SDK1: variants seen among roughly 807,000 people sequenced by gnomAD.
The protein encoded by SDK1 is sidekick cell adhesion molecule 1, also known as protein sidekick-1.
A neutral mutation model predicts 245.5 loss-of-function variants in SDK1; 157 were observed. The ratio of observed to expected loss-of-function variants is 0.64; its 90% CI spans 0.56 to 0.73. The LOEUF (loss-of-function observed/expected upper bound fraction) is 0.73, where lower values mean the gene tolerates loss of function less well. Among genes scored for constraint, SDK1 ranks in the 30% least tolerant of loss-of-function variants. The pLI is 0.00. For missense variants in SDK1, 3,583 were observed against 3,002.3 expected (o/e 1.19, Z -4.52); for synonymous variants, 1,647 against 1,278.5 (o/e 1.29, Z -6.15).
At position 4,267,397 on chromosome 7, in the gene SDK1, C is replaced by T; in HGVS notation, c.*2013C>T. 1.0e-6 allele frequency: 1 copy of T among 984,662 alleles called. No individual in the cohort carries two copies. Among genetic ancestry groups the T allele is most frequent in the Non-Finnish European group, 1.2e-6 (1 of 829,810 alleles). The allele number at this position is 984,662 out of a possible 1,614,324, so 61.0% of individuals were successfully genotyped here. A position where few individuals can be genotyped will look rare whatever the true frequency, so the allele number is the denominator to read the frequency against. ...GGGGGAAATATTCTAAACCAAAAAT[C>T]CTAGATGCTCTGCCCAAAGCCACTT... On this transcript the variant is annotated 3_prime_UTR_variant, in exon 45 of 45. Coordinates refer to ENST00000404826, the MANE Select transcript of SDK1 (RefSeq NM_152744.4).
At chr7:4,101,336 CG>C (rs1782526211) in intron 22 of SDK1, among the ~76,000 whole-genome samples, 1 of 152,052 alleles carries the variant, frequency 6.6e-6, no homozygotes, top group African/African-American at 2.4e-5. Flanking sequence ...TTAGTAGAGA[CG>C]GGAGTTTCAC....
chr7:3,575,578 T>A, intron 1 of SDK1, among the ~76,000 whole-genome samples: 1 of 152,072 alleles, frequency 6.6e-6, no homozygotes, highest in East Asian at 1.9e-4. Context: ...TGCTGGGTTT[T>A]GATTTTTCAG....
chr7:3,515,467 T>A (rs1192784797), intron 1 of SDK1, among the ~76,000 whole-genome samples: 1 of 152,188 alleles, frequency 6.6e-6, no homozygotes, highest in Non-Finnish European at 1.5e-5. Context: ...TCATAATTTC[T>A]AACTCTGTAA....
chr7:3,773,872 A>T lies in SDK1; in HGVS notation c.714-47578A>T, dbSNP rs111369905. 6.5e-4 allele frequency among the ~76,000 whole-genome samples: 99 copies of T among 152,308 alleles called. 1 individual carries two copies. Among genetic ancestry groups the T allele is most frequent in the African/African-American group, 2.3e-3 (95 of 41,572 alleles). On this transcript the variant is annotated intron_variant, in intron 4 of 44. Coordinates refer to ENST00000404826, the MANE Select transcript of SDK1 (RefSeq NM_152744.4). ...TTGCTTTTGAATATCCTAATCTTCA[A>T]TGTCTGCTTCCTAAAAGAAGAGAAA...
At chr7:3,854,776 A>G (rs971920316) in intron 5 of SDK1, among the ~76,000 whole-genome samples, 3 of 152,216 alleles carry the variant, frequency 2.0e-5, no homozygotes, top group African/African-American at 7.2e-5. Context: ...CTCACTCCAA[A>G]TAATAGAAAC....
At chr7:4,129,405 G>T (rs150520952) in intron 26 of SDK1, among the ~76,000 whole-genome samples, 4 of 102,746 alleles carry the variant, frequency 3.9e-5, no homozygotes, top group African/African-American at 1.2e-4. Flanking sequence ...GGGTGCCCTG[G>T]AGGACAGCAG....
At chr7:4,209,762 C>G (rs1223038344) in intron 37 of SDK1, among the ~76,000 whole-genome samples, 3 of 152,138 alleles carry the variant, frequency 2.0e-5, no homozygotes, top group South Asian at 2.1e-4. Flanking sequence ...CATTTTTATG[C>G]CTTTGCCGTT....
intron 28 of SDK1, among the ~76,000 whole-genome samples, chr7:4,135,319 C>T (rs986010273): frequency 6.6e-6 from 1 of 152,174 alleles, no homozygotes; most frequent in Non-Finnish European, 1.5e-5. Context: ...GGAGTTTGTG[C>T]GTCCACTTTG....
At chr7:3,517,555 C>G (rs563983227) in intron 1 of SDK1, among the ~76,000 whole-genome samples, 1 of 152,152 alleles carries the variant, frequency 6.6e-6, no homozygotes, top group Admixed American at 6.6e-5. Flanking sequence ...TAGCCCACAA[C>G]GACTTAGGGA....
chr7:3,479,305 C>A (rs1021928334), intron 1 of SDK1, among the ~76,000 whole-genome samples: 20 of 151,450 alleles, frequency 1.3e-4, no homozygotes, highest in African/African-American at 4.8e-4. Flanking sequence ...GCCTGTAGTC[C>A]CAGCTACTTG....
At chr7:4,065,705 T>TG (rs1779848614) in intron 19 of SDK1, among the ~76,000 whole-genome samples, 3 of 81,468 alleles carry the variant, frequency 3.7e-5, no homozygotes, top group Admixed American at 1.0e-4. Context: ...TTTTTTTTTT[T>TG]TTTTTTTTTT....
At chr7:3,829,503 G>C (rs907545295) in intron 5 of SDK1, among the ~76,000 whole-genome samples, 1 of 152,144 alleles carries the variant, frequency 6.6e-6, no homozygotes, top group African/African-American at 2.4e-5. Context: ...TTAAATTATT[G>C]ACCCAGATCA....
intron 4 of SDK1, among the ~76,000 whole-genome samples, chr7:3,745,959 C>G (rs1304428311): frequency 6.6e-6 from 1 of 152,192 alleles, no homozygotes; most frequent in Non-Finnish European, 1.5e-5. Flanking sequence ...CACAGACTAG[C>G]TGTCAGTCCT....
intron 1 of SDK1, among the ~76,000 whole-genome samples, chr7:3,537,002 A>T (rs993701969): frequency 1.3e-5 from 2 of 152,192 alleles, no homozygotes; most frequent in Non-Finnish European, 2.9e-5. Context: ...ATTGAAGTAT[A>T]ATTTACACAT....
At chr7:3,819,548 C>T (rs948068308) in intron 4 of SDK1, among the ~76,000 whole-genome samples, 18 of 152,030 alleles carry the variant, frequency 1.2e-4, no homozygotes, top group Admixed American at 9.8e-4. Context: ...AGTAAATATT[C>T]ATATTTAATT....
intron 4 of SDK1, among the ~76,000 whole-genome samples, chr7:3,709,955 A>T (rs998640008): frequency 6.6e-6 from 1 of 152,216 alleles, no homozygotes; most frequent in Admixed American, 6.5e-5. Context: ...CCCGAGACTT[A>T]AATGTTCTCT....
At chr7:3,639,772 G>C (rs1479551813) in intron 3 of SDK1, among the ~76,000 whole-genome samples, 1 of 151,798 alleles carries the variant, frequency 6.6e-6, no homozygotes, top group Non-Finnish European at 1.5e-5. Context: ...TGGACTGTCT[G>C]CTTTATTTTA....
At chr7:3,941,457 GC>G (rs1004138575) in intron 5 of SDK1, among the ~76,000 whole-genome samples, 4 of 151,766 alleles carry the variant, frequency 2.6e-5, no homozygotes, top group South Asian at 2.1e-4. Flanking sequence ...CCACGCCCAT[GC>G]CCCCCCACTG....
chr7:3,419,873 A>G (rs1229440583), intron 1 of SDK1, among the ~76,000 whole-genome samples: 3 of 152,216 alleles, frequency 2.0e-5, no homozygotes, highest in African/African-American at 7.2e-5. Flanking sequence ...AAGTTTCACA[A>G]TCAAAAGGGC....
Sources: gnomAD v4.1 joint callset for allele counts (sites outside exome capture counted in the v4.1 genomes callset) on GRCh38, gnomAD v4.1.1 for gene constraint, MANE v1.5 for transcripts, NCBI Gene and HGNC (gene_info 2026-07-23, HGNC 2026-07-21) for gene names.